The following DIP2B variants were observed in gnomAD, a reference collection of about 807,000 sequenced individuals.
DIP2B encodes the protein DIP2 acetate--CoA ligase B (putative).
In DIP2B, 76 loss-of-function variants were observed where a neutral mutation model predicts 198.0. The observed-to-expected ratio is 0.38, with a 90% CI of 0.32 to 0.46. The LOEUF is 0.46. Ranked by LOEUF, DIP2B falls within the 20% of genes least tolerant of loss-of-function variation. The probability of loss-of-function intolerance (pLI) is 0.99; values close to 1 mark genes in which losing one functional copy is unlikely to be tolerated. For synonymous variants in DIP2B, 701 were observed against 739.1 expected (o/e 0.95, Z 0.84); for missense variants, 1,559 against 1,978.4 (o/e 0.79, Z 4.02).
intron 1 of DIP2B, among the ~76,000 whole-genome samples, chr12:50,624,301 C>A (rs923166040): frequency 1.3e-4 from 20 of 152,174 alleles, no homozygotes; most frequent in African/African-American, 4.3e-4. Context: ...CAAACACACA[C>A]CTCAAGCAAG....
chr12:50,505,010 C>T lies in DIP2B; in HGVS notation c.-131C>T, dbSNP rs962542924. On this transcript the variant is annotated 5_prime_UTR_variant, in exon 1 of 38. Coordinates refer to ENST00000301180, the MANE Select transcript of DIP2B (RefSeq NM_173602.3). Reference sequence around the variant, plus strand: ...ACGTGACCTTTGCTCATGGCGGCGGCGGCGGCGGCGGCGGTGCTGGTGGTG... The same window carrying T: ...ACGTGACCTTTGCTCATGGCGGCGGTGGCGGCGGCGGCGGTGCTGGTGGTG... The T allele has an allele frequency of 3.3e-6, 3 of 897,958 alleles. No individual in the cohort carries two copies. The highest frequency in any genetic ancestry group is 2.5e-5 in the Admixed American group (1 of 39,908). 55.6% of individuals were successfully genotyped at this position (897,958 alleles called of 1,614,324 possible).
intron 23 of DIP2B, among the ~76,000 whole-genome samples, chr12:50,714,812 T>G (rs1410736486): frequency 6.6e-6 from 1 of 152,006 alleles, no homozygotes; most frequent in Non-Finnish European, 1.5e-5. Flanking sequence ...GGCCCGGTGG[T>G]GCACACCTGT....
chr12:50,629,794 G>C (rs1476703018), intron 2 of DIP2B, among the ~76,000 whole-genome samples: 16 of 151,970 alleles, frequency 1.1e-4, no homozygotes, highest in Admixed American at 1.0e-3. Context: ...TGTGCTTCTA[G>C]TTTTCTCTTT....
intron 28 of DIP2B, among the ~76,000 whole-genome samples, chr12:50,727,168 T>C (rs117420547): frequency 6.6e-6 from 1 of 152,334 alleles, no homozygotes; most frequent in Non-Finnish European, 1.5e-5. Flanking sequence ...TTTCCAACTT[T>C]TAAATCCATA....
At chr12:50,582,145 GTTTTTTTTTT>G (rs367699036) in intron 1 of DIP2B, among the ~76,000 whole-genome samples, 3 of 77,552 alleles carry the variant, frequency 3.9e-5, no homozygotes, top group East Asian at 3.6e-4. Context: ...CTTTTTTTCT[GTTTTTTTTTT>G]TTTTTTTTTT....
At chr12:50,554,575 G>A (rs1233758174) in intron 1 of DIP2B, among the ~76,000 whole-genome samples, 2 of 152,090 alleles carry the variant, frequency 1.3e-5, no homozygotes, top group African/African-American at 2.4e-5. Flanking sequence ...GAAATGCCTT[G>A]GCTTAGATGG....
intron 1 of DIP2B, among the ~76,000 whole-genome samples, chr12:50,551,245 G>A (rs771083330): frequency 1.7e-4 from 26 of 152,070 alleles, no homozygotes; most frequent in South Asian, 4.1e-4. Context: ...CCAACATGGC[G>A]AAACCCCATC....
chr12:50,669,516 G>A (rs573188287), intron 4 of DIP2B, among the ~76,000 whole-genome samples: 73 of 152,096 alleles, frequency 4.8e-4, no homozygotes, highest in Non-Finnish European at 9.4e-4. Flanking sequence ...TCCGCCTCCC[G>A]GTCTTAAGTG....
chr12:50,615,349 T>C (rs776546102), intron 1 of DIP2B, among the ~76,000 whole-genome samples: 3 of 152,098 alleles, frequency 2.0e-5, no homozygotes, highest in Non-Finnish European at 4.4e-5. Flanking sequence ...TTTATTTACA[T>C]ACATTTACAT....
chr12:50,588,073 T>A (rs1282710141), intron 1 of DIP2B, among the ~76,000 whole-genome samples: 1 of 152,182 alleles, frequency 6.6e-6, no homozygotes, highest in East Asian at 1.9e-4. Context: ...TTCCCTGAAC[T>A]CCAACCTTGA....
At chr12:50,721,538 C>G (rs964471013) in intron 26 of DIP2B, 142 bp downstream of exon 26, 34 of 1,291,948 alleles carry the variant, frequency 2.6e-5, no homozygotes, top group Non-Finnish European at 3.4e-5. Context: ...GCACACAGGC[C>G]AAAGTGGGAA....
chr12:50,716,529 AAAAACAAAAC>A (rs367684144), intron 23 of DIP2B, among the ~76,000 whole-genome samples: 33 of 152,034 alleles, frequency 2.2e-4, no homozygotes, highest in Admixed American at 3.9e-4. Context: ...CTCTGTCTCA[AAAAACAAAAC>A]AAAACAAAAC....
At position 50,608,420 on chromosome 12, in the gene DIP2B, G is replaced by A. The variant is rs148427826; in HGVS notation, c.101-17556G>A. 8.1e-4 allele frequency among the ~76,000 whole-genome samples: 123 copies of A among 152,118 alleles called. 2 individuals are homozygous for A. The highest frequency in any genetic ancestry group is 2.8e-3 in the African/African-American group (115 of 41,510). ...TTGGATCACATGAGGCCAGGAGTTCGAGAGCAGCCTGGCCAACATGGAGAA... is the reference window on the plus strand; with the variant it reads ...TTGGATCACATGAGGCCAGGAGTTCAAGAGCAGCCTGGCCAACATGGAGAA... On this transcript the variant is annotated intron_variant, in intron 1 of 37. Transcript: ENST00000301180.
intron 1 of DIP2B, among the ~76,000 whole-genome samples, chr12:50,556,067 C>A (rs1040237157): frequency 4.6e-5 from 7 of 151,612 alleles, no homozygotes; most frequent in African/African-American, 1.7e-4. Flanking sequence ...GTTTTTTTTC[C>A]CCCCAAGATG....
chr12:50,690,940 A>G (rs984707444), intron 12 of DIP2B, 109 bp from the exon 13 acceptor site: 2 of 826,828 alleles, frequency 2.4e-6, no homozygotes, highest in Middle Eastern at 2.7e-4. Context: ...AACATGTTAA[A>G]TTCAGCCCAT....
chr12:50,630,969 C>G (rs757208094), intron 2 of DIP2B, among the ~76,000 whole-genome samples: 13 of 152,092 alleles, frequency 8.5e-5, no homozygotes, highest in Non-Finnish European at 1.9e-4. Context: ...CCGTGCCTGG[C>G]CATCCACCAC....
intron 1 of DIP2B, among the ~76,000 whole-genome samples, chr12:50,519,182 G>T (rs1299206148): frequency 6.6e-6 from 1 of 152,214 alleles, no homozygotes; most frequent in Non-Finnish European, 1.5e-5. Flanking sequence ...AACTAAAGGG[G>T]TTAACACTCT....
At chr12:50,606,852 G>C (rs1958986367) in intron 1 of DIP2B, among the ~76,000 whole-genome samples, 1 of 151,450 alleles carries the variant, frequency 6.6e-6, no homozygotes, top group South Asian at 2.1e-4. Context: ...TGTCACCTGG[G>C]CTAAAGTTCA....
chr12:50,734,966 G>A, intron 33 of DIP2B, 107 bp from the exon 34 acceptor site: 1 of 1,372,120 alleles, frequency 7.3e-7, no homozygotes, highest in Non-Finnish European at 1.0e-6. Flanking sequence ...TGTAGTATGA[G>A]GAAGAGAGAC....
Sources: allele counts gnomAD v4.1 joint callset (sites outside exome capture counted in the v4.1 genomes callset), GRCh38; gene constraint gnomAD v4.1.1; transcripts MANE v1.5; gene names NCBI Gene and HGNC (gene_info 2026-07-23, HGNC 2026-07-21).